SNTG1: variants seen among roughly 807,000 people sequenced by gnomAD.
The protein encoded by SNTG1 is gamma-1-syntrophin.
In SNTG1, 39 loss-of-function variants were observed where a neutral mutation model predicts 74.7. The ratio of observed to expected loss-of-function variants is 0.52; its 90% CI spans 0.40 to 0.68. SNTG1 has a LOEUF of 0.68. Among genes scored for constraint, SNTG1 ranks in the 30% least tolerant of loss-of-function variants. The probability of loss-of-function intolerance (pLI) is 0.00; values close to 1 mark genes in which losing one functional copy is unlikely to be tolerated. For missense variants in SNTG1, 685 were observed against 609.5 expected (o/e 1.12, Z -1.30); for synonymous variants, 254 against 217.1 (o/e 1.17, Z -1.49).
chr8:50,114,874 A>C (rs1258908385), intron 1 of SNTG1, among the ~76,000 whole-genome samples: 2 of 152,150 alleles, frequency 1.3e-5, no homozygotes, highest in Non-Finnish European at 2.9e-5. Flanking sequence ...TAAAAAAGAA[A>C]AAAAATATAT....
At chr8:49,971,355 C>T (rs953713830) in intron 1 of SNTG1, among the ~76,000 whole-genome samples, 27 of 152,080 alleles carry the variant, frequency 1.8e-4, no homozygotes, top group Admixed American at 2.6e-4. Context: ...TAGGTATTGA[C>T]GGGACGTATC....
chr8:50,152,059 G>T (rs551355461), intron 1 of SNTG1, among the ~76,000 whole-genome samples: 1 of 152,188 alleles, frequency 6.6e-6, no homozygotes, highest in South Asian at 2.1e-4. Context: ...CTCTTTGTAG[G>T]TCTCTAAGGA....
intron 17 of SNTG1, chr8:50,709,219 A>G: frequency 2.1e-6 from 1 of 474,956 alleles, no homozygotes; most frequent in Admixed American, 3.7e-5. Flanking sequence ...AAGTCTATCT[A>G]TGTATGTATC....
In SNTG1 at chr8:50,449,654, T is replaced by C. The variant is rs184820007; in HGVS notation, c.220-14T>C. On this transcript the variant is annotated splice_polypyrimidine_tract_variant and intron_variant, in intron 5 of 18. Coordinates refer to ENST00000642720, the MANE Select transcript of SNTG1 (RefSeq NM_018967.5). ...TTAGATTAAAAAGTACAATATATGA[T>C]TTTCTCTTTTCAGGGAGGAGCAGAA... 8 of 1,579,662 alleles carry C rather than the reference T, an allele frequency of 5.1e-6. No individual in the cohort carries two copies. The highest frequency in any genetic ancestry group is 4.5e-5 in the East Asian group (2 of 44,080).
chr8:50,064,190 C>G (rs1487227338), intron 1 of SNTG1, among the ~76,000 whole-genome samples: 1 of 152,222 alleles, frequency 6.6e-6, no homozygotes, highest in Non-Finnish European at 1.5e-5. Context: ...AAATTGTCAG[C>G]ATCATCACGT....
At chr8:50,701,575 C>T (rs888114849) in intron 15 of SNTG1, among the ~76,000 whole-genome samples, 6 of 92,186 alleles carry the variant, frequency 6.5e-5, no homozygotes, top group Non-Finnish European at 1.2e-4. Flanking sequence ...TGATATAATA[C>T]CTTTTTCTTC....
chr8:50,633,062 A>T (rs1311092040), intron 13 of SNTG1, among the ~76,000 whole-genome samples: 4 of 152,204 alleles, frequency 2.6e-5, no homozygotes, highest in African/African-American at 9.6e-5. Flanking sequence ...TTAATCATTA[A>T]TTGGATTTGA....
chr8:50,308,578 C>T (rs3919764), intron 2 of SNTG1, among the ~76,000 whole-genome samples: 71,432 of 151,928 alleles, frequency 0.47, 19,358 homozygotes, highest in East Asian at 0.83. Context: ...CCACCTCCAT[C>T]TTCCTTCTGT....
chr8:50,057,863 T>C (rs941908326), intron 1 of SNTG1, among the ~76,000 whole-genome samples: 2 of 152,116 alleles, frequency 1.3e-5, no homozygotes, highest in Admixed American at 1.3e-4. Flanking sequence ...CCATGATCAT[T>C]TCAGTTTAGG....
intron 15 of SNTG1, among the ~76,000 whole-genome samples, chr8:50,664,164 G>A (rs2095239297): frequency 6.6e-6 from 1 of 152,112 alleles, no homozygotes; most frequent in South Asian, 2.1e-4. Flanking sequence ...ACTAGAGTTT[G>A]GCTATTTTTT....
In SNTG1 at chr8:50,106,903, G is replaced by A. The variant is rs147049127; in HGVS notation, c.-102-65658G>A. Among the ~76,000 whole-genome samples the A allele has an allele frequency of 3.4e-4, 52 of 152,136 alleles. No individual in the cohort carries two copies. The East Asian group carries it at 8.1e-3, about 24-fold the overall frequency. ...TGAAAATCATTATATAATCACAATA[G>A]CAATTCATACTGCCATAAACAGGTT... On this transcript the variant is annotated intron_variant, in intron 1 of 18. Transcript: ENST00000642720.
chr8:50,586,650 AAT>A (rs1423421090), intron 12 of SNTG1, among the ~76,000 whole-genome samples: 4 of 59,624 alleles, frequency 6.7e-5, no homozygotes, highest in Admixed American at 4.0e-4. Flanking sequence ...TCATTTCATT[AAT>A]ACACACACAC....
intron 4 of SNTG1, among the ~76,000 whole-genome samples, chr8:50,432,802 A>AT (rs976208468): frequency 6.7e-6 from 1 of 149,276 alleles, no homozygotes; most frequent in African/African-American, 2.5e-5. Context: ...TTATTTATTC[A>AT]TTTTTTTGAG....
intron 4 of SNTG1, among the ~76,000 whole-genome samples, chr8:50,425,130 C>T (rs971308853): frequency 6.6e-6 from 1 of 152,000 alleles, no homozygotes; most frequent in African/African-American, 2.4e-5. Flanking sequence ...ACAAGATTTG[C>T]GTCCGGGCAG....
chr8:50,505,048 GA>G (rs2129769213), intron 9 of SNTG1, among the ~76,000 whole-genome samples: 1 of 152,180 alleles, frequency 6.6e-6, no homozygotes, highest in South Asian at 2.1e-4. Flanking sequence ...ATAAGAATTT[GA>G]CTACTTTAGA....
chr8:50,103,876 A>T (rs1274379840), intron 1 of SNTG1, among the ~76,000 whole-genome samples: 2 of 151,884 alleles, frequency 1.3e-5, no homozygotes, highest in African/African-American at 2.4e-5. Context: ...TTGATTTGCA[A>T]ATATTGAACC....
intron 5 of SNTG1, among the ~76,000 whole-genome samples, chr8:50,440,652 A>G (rs1052893323): frequency 6.6e-6 from 1 of 152,224 alleles, no homozygotes; most frequent in East Asian, 1.9e-4. Context: ...ATATAAATAC[A>G]TAAACGCATA....
In SNTG1 at chr8:50,292,457, AT is replaced by A. The variant is rs544451516; in HGVS notation, c.-27-101747del. Among the ~76,000 whole-genome samples the A allele has an allele frequency of 6.0e-3, 917 of 152,148 alleles. 9 individuals carry two copies. The highest frequency in any genetic ancestry group is 0.021 in the African/African-American group (864 of 41,514). On this transcript the variant is annotated intron_variant, in intron 2 of 18. Transcript: ENST00000642720. ...TGGGAAATTACTGACATATTCAGTT[AT>A]TTTTTTTAAATCTCTCTGATTGAAG...
At chr8:50,385,808 A>G (rs1313434472) in intron 2 of SNTG1, among the ~76,000 whole-genome samples, 2 of 152,196 alleles carry the variant, frequency 1.3e-5, no homozygotes, top group Non-Finnish European at 2.9e-5. Context: ...CTCAAGCAAT[A>G]AAACCACATC....
Sources: gnomAD v4.1 joint callset for allele counts (sites outside exome capture counted in the v4.1 genomes callset) on GRCh38, gnomAD v4.1.1 for gene constraint, MANE v1.5 for transcripts, NCBI Gene and HGNC (gene_info 2026-07-23, HGNC 2026-07-21) for gene names.